Variants in HELZ observed in about 807,000 individuals in gnomAD.
HELZ encodes ATP-dependent RNA helicase with zinc finger domain.
HELZ carries 23 observed loss-of-function variants against 218.2 expected under a neutral mutation model. That is an observed-to-expected ratio of 0.11 (90% confidence interval 0.08 to 0.15). The LOEUF is 0.15. HELZ is among the 10% of genes least tolerant of loss of function. The pLI is 1.00. For synonymous variants in HELZ, 814 were observed against 829.4 expected (o/e 0.98, Z 0.32); for missense variants, 1,813 against 2,353.7 (o/e 0.77, Z 4.75).
chr17:67,174,261 A>C (rs2039391257), intron 13 of HELZ, among the ~76,000 whole-genome samples: 1 of 151,790 alleles, frequency 6.6e-6, no homozygotes, highest in East Asian at 1.9e-4. Flanking sequence ...TATTTTATCT[A>C]ATCTTGAGAG....
intron 17 of HELZ, among the ~76,000 whole-genome samples, chr17:67,153,880 TG>T (rs1301341372): frequency 6.6e-6 from 1 of 152,254 alleles, no homozygotes; most frequent in Non-Finnish European, 1.5e-5. Context: ...AGTCATCATA[TG>T]GAACAAAAGG....
In HELZ at chr17:67,149,902, T is replaced by C. The variant is rs1054178281; in HGVS notation, c.2440A>G (p.Asn814Asp). Residue 814 changes from asparagine to aspartate, a missense_variant, in exon 19 of 33, where the codon AAC becomes GAC. Coordinates refer to ENST00000358691, the MANE Select transcript of HELZ (RefSeq NM_014877.4). ...TIMPLALATQ[N>D]TRIVLAGDHM... is the part of the protein sequence containing the mutation. The stretch of plus-strand genomic sequence containing the variant: ...TCACCAGCCAAGACAATCCGAGTGT[T>C]TTGAGTTGCTAATGCTAGAGGCATA... 8 of 1,610,938 alleles carry C rather than the reference T, an allele frequency of 5.0e-6. No individual in the cohort carries two copies. Among genetic ancestry groups the C allele is most frequent in the Non-Finnish European group, 6.8e-6 (8 of 1,178,330 alleles).
chr17:67,086,643 T>TATATATATAC (rs2036397011), intron 32 of HELZ, among the ~76,000 whole-genome samples, 186 bp downstream of exon 32: 1 of 126,026 alleles, frequency 7.9e-6, no homozygotes, highest in Non-Finnish European at 1.7e-5. Flanking sequence ...TATATATATA[T>TATATATATAC]ATATATATAT....
intron 27 of HELZ, among the ~76,000 whole-genome samples, chr17:67,116,702 C>T (rs139503860): frequency 2.8e-4 from 43 of 152,226 alleles, no homozygotes; most frequent in African/African-American, 9.4e-4. Context: ...ATCAAGAACT[C>T]ACAGAACTTA....
At chr17:67,169,477 T>C (rs577637844) in intron 13 of HELZ, among the ~76,000 whole-genome samples, 1 of 152,266 alleles carries the variant, frequency 6.6e-6, no homozygotes, top group East Asian at 1.9e-4. Context: ...CCCACTCTCA[T>C]GATAAGGAGC....
At chr17:67,215,833 CA>C (rs540586856) in intron 5 of HELZ, 65 bp downstream of exon 5, 18,143 of 759,344 alleles carry the variant, frequency 0.024, 1 homozygote, top group Non-Finnish European at 0.027. Flanking sequence ...TGAAATTAGC[CA>C]AAAAAAAAAA....
chr17:67,209,320 G>C (rs1201992262), intron 5 of HELZ, among the ~76,000 whole-genome samples: 1 of 152,130 alleles, frequency 6.6e-6, no homozygotes, highest in Non-Finnish European at 1.5e-5. Context: ...GAAGTAGGCC[G>C]GACGCGGTGG....
At chr17:67,106,686 T>G (rs2037114773) in intron 31 of HELZ, among the ~76,000 whole-genome samples, 1 of 152,200 alleles carries the variant, frequency 6.6e-6, no homozygotes, top group Non-Finnish European at 1.5e-5. Flanking sequence ...ATGTTAAAAA[T>G]CTGCAAATTC....
chr17:67,144,019 G>A (rs1044955684), intron 21 of HELZ, among the ~76,000 whole-genome samples: 2 of 152,182 alleles, frequency 1.3e-5, no homozygotes, highest in African/African-American at 2.4e-5. Flanking sequence ...GCCCTCCTAA[G>A]TATTAGTCAG....
At chr17:67,155,482 C>T (rs879701271) in intron 17 of HELZ, among the ~76,000 whole-genome samples, 6 of 152,078 alleles carry the variant, frequency 3.9e-5, no homozygotes, top group Admixed American at 1.3e-4. Flanking sequence ...ATTATTAATG[C>T]TAGAACAAAT....
chr17:67,077,479 G>C lies in HELZ; in HGVS notation c.*773C>G, dbSNP rs1156424651. ...AATCCTAAAAATTTTTCAGCTTCTTGATTTGTTTAAAAAAAAAAACACACA... is the reference window on the plus strand; with the variant it reads ...AATCCTAAAAATTTTTCAGCTTCTTCATTTGTTTAAAAAAAAAAACACACA... On this transcript the variant is annotated 3_prime_UTR_variant, in exon 33 of 33. Transcript: ENST00000358691. 2 of 151,340 alleles carry C rather than the reference G, an allele frequency of 1.3e-5. No homozygotes were observed. The highest frequency in any genetic ancestry group is 1.9e-4 in the East Asian group (1 of 5,164). The allele number at this position is 151,340 out of a possible 1,614,324, so 9.4% of individuals were successfully genotyped here. A position where few individuals can be genotyped will look rare whatever the true frequency, so the allele number is the denominator to read the frequency against.
chr17:67,145,954 G>GA (rs34812114), intron 20 of HELZ, 64 bp from the exon 21 acceptor site: 352,641 of 1,259,726 alleles, frequency 0.28, 34,421 homozygotes, highest in East Asian at 0.57. Flanking sequence ...TCACCCATAA[G>GA]AAAAAAAAAA....
At chr17:67,149,700 A>T (rs1246851047) in intron 19 of HELZ, among the ~76,000 whole-genome samples, 167 bp downstream of exon 19, 2 of 152,246 alleles carry the variant, frequency 1.3e-5, no homozygotes, top group Non-Finnish European at 2.9e-5. Context: ...CAGAATAGTA[A>T]TTTTTCTTCA....
intron 13 of HELZ, among the ~76,000 whole-genome samples, chr17:67,171,004 G>A (rs2039293614): frequency 6.6e-6 from 1 of 151,148 alleles, no homozygotes; most frequent in Non-Finnish European, 1.5e-5. Flanking sequence ...AAGAATCATA[G>A]CAAAAAGAAT....
chr17:67,086,631 A>ATATATATAAAAATAAATATATATATAT (rs1598183996), intron 32 of HELZ, among the ~76,000 whole-genome samples, 198 bp downstream of exon 32: 1 of 93,316 alleles, frequency 1.1e-5, no homozygotes, highest in Non-Finnish European at 2.0e-5. Flanking sequence ...TATAAATATA[A>ATATATATAAAAATAAATATATATATAT]ATATATATAT....
intron 26 of HELZ, among the ~76,000 whole-genome samples, chr17:67,122,545 C>CA (rs113522108): frequency 2.1e-3 from 271 of 126,768 alleles, no homozygotes; most frequent in Middle Eastern, 4.8e-3. Flanking sequence ...GACCCCGTCT[C>CA]AAAAAAAAAA....
chr17:67,151,176 A>C lies in HELZ; in HGVS notation c.2226T>G (p.His742Gln). 1 of 1,613,960 alleles carries C rather than the reference A, an allele frequency of 6.2e-7. No individual in the cohort carries two copies. The highest frequency in any genetic ancestry group is 8.5e-7 in the Non-Finnish European group (1 of 1,179,876). The change falls in exon 18 of 33, where the codon CAT becomes CAG. Residue 742 changes from histidine to glutamine, a missense_variant. Coordinates refer to ENST00000358691, the MANE Select transcript of HELZ (RefSeq NM_014877.4). ...RWVKTVHPVV[H>Q]QYCLISSAHS... is the part of the protein sequence containing the mutation. ...GTGCGCTTGAGATCAAACAGTACTG[A>C]TGCACAACTGGGTGGACAGTCTTTA...
chr17:67,206,978 T>A (rs2040317450), intron 5 of HELZ, among the ~76,000 whole-genome samples: 1 of 151,266 alleles, frequency 6.6e-6, no homozygotes, highest in Non-Finnish European at 1.5e-5. Context: ...AGTGGTATGA[T>A]ATCAGCGGAC....
intron 2 of HELZ, among the ~76,000 whole-genome samples, chr17:67,242,391 A>C (rs1345111322): frequency 6.7e-6 from 1 of 149,338 alleles, no homozygotes; most frequent in Non-Finnish European, 1.5e-5. Flanking sequence ...CAGCCTGGGC[A>C]ACAAGAGTGA....
Sources: gnomAD v4.1 joint callset for allele counts (sites outside exome capture counted in the v4.1 genomes callset) on GRCh38, gnomAD v4.1.1 for gene constraint, MANE v1.5 for transcripts, NCBI Gene and HGNC (gene_info 2026-07-23, HGNC 2026-07-21) for gene names.